Variants in CYSTM1 observed in about 807,000 individuals in gnomAD.
CYSTM1 encodes the protein cysteine rich transmembrane module containing 1.
A neutral mutation model predicts 13.1 loss-of-function variants in CYSTM1; 4 were observed. The ratio of observed to expected loss-of-function variants is 0.31; its 90% CI spans 0.15 to 0.70. The LOEUF (loss-of-function observed/expected upper bound fraction) is 0.70. Among genes scored for constraint, CYSTM1 ranks in the 30% least tolerant of loss-of-function variants. The pLI, the probability that CYSTM1 is intolerant of heterozygous loss-of-function variation, is 0.72. For synonymous variants in CYSTM1, 36 were observed against 42.7 expected (o/e 0.84, Z 0.62); for missense variants, 96 against 121.6 (o/e 0.79, Z 0.99).
chr5:140,225,884 G>A (rs1390287168), intron 2 of CYSTM1, among the ~76,000 whole-genome samples: 1 of 152,178 alleles, frequency 6.6e-6, no homozygotes, highest in Non-Finnish European at 1.5e-5. Flanking sequence ...CTGGAACTCC[G>A]TTACCTCCTC....
chr5:140,219,535 C>G lies in CYSTM1; in HGVS notation c.188-23770C>G, dbSNP rs1764466816. Among the ~76,000 whole-genome samples, 1 of 152,110 alleles carries G rather than the reference C, an allele frequency of 6.6e-6. No individual in the cohort carries two copies. Reference sequence around the variant, plus strand: ...CTTGGAACTCACTGTGTACCAGCCTCTAAACTGAGGTGCGTTCAGGAGAAA... The same window carrying G: ...CTTGGAACTCACTGTGTACCAGCCTGTAAACTGAGGTGCGTTCAGGAGAAA... On this transcript the variant is annotated intron_variant, in intron 2 of 2. Transcript: ENST00000261811. This position sits in a 1 kb window ranked among gnomAD's most constrained non-coding sequence, Gnocchi z 4.1.
intron 2 of CYSTM1, among the ~76,000 whole-genome samples, chr5:140,226,494 TAA>T (rs1491388485): frequency 0.023 from 2,553 of 112,398 alleles, 109 homozygotes; most frequent in African/African-American, 0.08. Flanking sequence ...TATATATATA[TAA>T]TATATATAAA....
chr5:140,241,182 A>G (rs1764743188), intron 2 of CYSTM1, among the ~76,000 whole-genome samples: 1 of 152,218 alleles, frequency 6.6e-6, no homozygotes, highest in African/African-American at 2.4e-5. Flanking sequence ...AACTGGAGGA[A>G]AAAGGTGGAG....
intron 2 of CYSTM1, among the ~76,000 whole-genome samples, chr5:140,220,291 G>A (rs1331479779): frequency 6.6e-6 from 1 of 152,172 alleles, no homozygotes; most frequent in African/African-American, 2.4e-5. Flanking sequence ...TCAGTCAGAA[G>A]CCAGGGCTAT....
intron 2 of CYSTM1, among the ~76,000 whole-genome samples, chr5:140,234,226 T>C (rs1764651245): frequency 6.6e-6 from 1 of 152,230 alleles, no homozygotes; most frequent in Non-Finnish European, 1.5e-5. Flanking sequence ...CTCCAATGAA[T>C]TGCCTTTGCT....
intron 2 of CYSTM1, among the ~76,000 whole-genome samples, chr5:140,226,543 A>T (rs569315673): frequency 8.8e-6 from 1 of 113,326 alleles, no homozygotes; most frequent in Non-Finnish European, 1.8e-5. Context: ...TATATATATT[A>T]ATAATATAAT....
intron 2 of CYSTM1, among the ~76,000 whole-genome samples, chr5:140,210,104 C>T (rs747707775): frequency 6.6e-6 from 1 of 152,144 alleles, no homozygotes; most frequent in Non-Finnish European, 1.5e-5. Context: ...TCATAATTCA[C>T]ACACCCTACT....
intron 2 of CYSTM1, among the ~76,000 whole-genome samples, chr5:140,226,907 G>C (rs1218735916): frequency 2.6e-5 from 4 of 152,020 alleles, no homozygotes; most frequent in Non-Finnish European, 4.4e-5. Flanking sequence ...TGAAGTTCCT[G>C]ACAAGGGTCC....
intron 2 of CYSTM1, among the ~76,000 whole-genome samples, chr5:140,198,982 G>A (rs1157655234): frequency 2.0e-5 from 3 of 152,062 alleles, no homozygotes; most frequent in Non-Finnish European, 2.9e-5. Context: ...ACAGGCCCCA[G>A]TGTGTGGTGT....
intron 2 of CYSTM1, among the ~76,000 whole-genome samples, chr5:140,229,754 A>G (rs1299625073): frequency 2.6e-5 from 4 of 151,480 alleles, no homozygotes; most frequent in Non-Finnish European, 5.9e-5. Context: ...CTGGAGTGCA[A>G]TGGCATGATC....
At chr5:140,188,534 G>A (rs1007880707) in intron 1 of CYSTM1, among the ~76,000 whole-genome samples, 1 of 152,206 alleles carries the variant, frequency 6.6e-6, no homozygotes, top group Non-Finnish European at 1.5e-5. Context: ...GCTCACGCCT[G>A]TAATCCCAGC....
intron 2 of CYSTM1, among the ~76,000 whole-genome samples, chr5:140,195,035 T>C (rs1456141392): frequency 2.0e-5 from 3 of 152,372 alleles, no homozygotes; most frequent in Non-Finnish European, 4.4e-5. Flanking sequence ...CCTCAAGTCA[T>C]CCTCTTGCCC....
chr5:140,229,059 T>C (rs1236309937), intron 2 of CYSTM1: 1 of 372,372 alleles, frequency 2.7e-6, no homozygotes, highest in Non-Finnish European at 4.8e-6. Context: ...AGTTTGTACA[T>C]ATCTTGTGAA....
intron 2 of CYSTM1, among the ~76,000 whole-genome samples, chr5:140,215,790 TAAAA>T (rs1480288756): frequency 6.6e-6 from 1 of 151,584 alleles, no homozygotes; most frequent in Non-Finnish European, 1.5e-5. Context: ...GGGTGGGAAA[TAAAA>T]AAAATAGTGT....
At chr5:140,237,911 A>T (rs1170571836) in intron 2 of CYSTM1, among the ~76,000 whole-genome samples, 1 of 152,178 alleles carries the variant, frequency 6.6e-6, no homozygotes, top group East Asian at 1.9e-4. Context: ...TGGCAAATGC[A>T]CTTCTGAAGA....
intron 2 of CYSTM1, among the ~76,000 whole-genome samples, chr5:140,233,840 T>A (rs896484221): frequency 6.6e-6 from 1 of 152,218 alleles, no homozygotes; most frequent in Non-Finnish European, 1.5e-5. Context: ...TGTGGACTTT[T>A]GAGAGTTGTT....
intron 1 of CYSTM1, among the ~76,000 whole-genome samples, chr5:140,192,037 T>C (rs1022818128): frequency 6.6e-6 from 1 of 152,226 alleles, no homozygotes; most frequent in Non-Finnish European, 1.5e-5. Flanking sequence ...CTCTACTTTT[T>C]TCCTGAGTCC....
chr5:140,209,026 G>A (rs1418292114), intron 2 of CYSTM1, among the ~76,000 whole-genome samples: 3 of 146,902 alleles, frequency 2.0e-5, no homozygotes, highest in South Asian at 4.3e-4. Flanking sequence ...GTGACAGAGC[G>A]AGACTCCATC....
chr5:140,236,678 G>A (rs1417383062), intron 2 of CYSTM1, among the ~76,000 whole-genome samples: 3 of 152,168 alleles, frequency 2.0e-5, no homozygotes, highest in African/African-American at 4.8e-5. Flanking sequence ...TCCTGTAGGA[G>A]AGGAAGCAGA....
Sources: allele counts gnomAD v4.1 joint callset (sites outside exome capture counted in the v4.1 genomes callset), GRCh38; gene constraint gnomAD v4.1.1; non-coding constraint Gnocchi (gnomAD v3.1); transcripts MANE v1.5; gene names NCBI Gene and HGNC (gene_info 2026-07-23, HGNC 2026-07-21).